The following PLA2G4A variants were observed in gnomAD, a reference collection of about 807,000 sequenced individuals.
PLA2G4A encodes the protein cytosolic phospholipase A2.
PLA2G4A carries 40 observed loss-of-function variants against 81.9 expected under a neutral mutation model. The observed-to-expected ratio is 0.49, with a 90% CI of 0.38 to 0.64. The LOEUF (loss-of-function observed/expected upper bound fraction) is 0.64. Ranked by LOEUF, PLA2G4A falls within the 30% of genes least tolerant of loss-of-function variation. PLA2G4A has a pLI of 0.00. For synonymous variants in PLA2G4A, 302 were observed against 296.9 expected (o/e 1.02, Z -0.18); for missense variants, 715 against 905.1 (o/e 0.79, Z 2.69).
chr1:186,914,843 C>A (rs961992673), intron 7 of PLA2G4A, among the ~76,000 whole-genome samples: 2 of 152,104 alleles, frequency 1.3e-5, no homozygotes, highest in Admixed American at 1.3e-4. Context: ...TATATCCTCC[C>A]CATTTGAGAC....
intron 12 of PLA2G4A, among the ~76,000 whole-genome samples, chr1:186,947,207 T>C (rs1656377825): frequency 6.6e-6 from 1 of 152,088 alleles, no homozygotes; most frequent in African/African-American, 2.4e-5. Flanking sequence ...ATAGAACACA[T>C]CTCTATTCCT....
intron 7 of PLA2G4A, among the ~76,000 whole-genome samples, chr1:186,917,516 C>T (rs1237636554): frequency 6.6e-6 from 1 of 152,190 alleles, no homozygotes; most frequent in Non-Finnish European, 1.5e-5. Flanking sequence ...ATTCGCTCCA[C>T]CTTTCCGGAA....
chr1:186,844,069 T>G (rs1246899705), intron 1 of PLA2G4A, among the ~76,000 whole-genome samples: 1 of 152,206 alleles, frequency 6.6e-6, no homozygotes, highest in Non-Finnish European at 1.5e-5. Context: ...TGGGACTTAG[T>G]GGCAAGTTCC....
At chr1:186,887,806 C>G (rs1315422244) in intron 3 of PLA2G4A, among the ~76,000 whole-genome samples, 1 of 152,136 alleles carries the variant, frequency 6.6e-6, no homozygotes, top group African/African-American at 2.4e-5. Flanking sequence ...GGCTGCCTTC[C>G]TTTTCAAATC....
chr1:186,841,171 C>T (rs1651965948), intron 1 of PLA2G4A, among the ~76,000 whole-genome samples: 1 of 152,112 alleles, frequency 6.6e-6, no homozygotes, highest in Admixed American at 6.5e-5. Context: ...ATTTTTTAAA[C>T]AATCTAATAT....
At chr1:186,878,597 G>C (rs1653607290) in intron 3 of PLA2G4A, among the ~76,000 whole-genome samples, 2 of 151,842 alleles carry the variant, frequency 1.3e-5, no homozygotes, top group South Asian at 4.1e-4. Flanking sequence ...TCTGTGTAGT[G>C]GAGAAATATA....
At chr1:186,967,263 A>G (rs1217347939) in intron 15 of PLA2G4A, among the ~76,000 whole-genome samples, 3 of 152,180 alleles carry the variant, frequency 2.0e-5, no homozygotes, top group African/African-American at 7.2e-5. Flanking sequence ...GGGGTAGTAA[A>G]GGTATTCAGA....
intron 10 of PLA2G4A, among the ~76,000 whole-genome samples, chr1:186,940,687 A>G (rs1243995212): frequency 6.6e-6 from 1 of 152,236 alleles, no homozygotes; most frequent in Non-Finnish European, 1.5e-5. Context: ...AATAATTACA[A>G]GGAACAAAAG....
chr1:186,969,487 A>G (rs1410625034), intron 15 of PLA2G4A, among the ~76,000 whole-genome samples: 1 of 151,836 alleles, frequency 6.6e-6, no homozygotes, highest in Non-Finnish European at 1.5e-5. Context: ...TGTGCTACTG[A>G]ACACTAGATC....
At chr1:186,935,489 G>A (rs1655914342) in intron 8 of PLA2G4A, among the ~76,000 whole-genome samples, 1 of 150,826 alleles carries the variant, frequency 6.6e-6, no homozygotes, top group Admixed American at 6.6e-5. Context: ...AGGCATAGAT[G>A]GAAGATAAAG....
rs1325090013 is a variant in PLA2G4A at position 186,912,854 on chromosome 1, T to A, written c.558+1465T>A. Reference sequence around the variant, plus strand: ...ATAAGTGTATGTATGTATTTGTATATAATATATATATAAGGCATACTTACG... The same window carrying A: ...ATAAGTGTATGTATGTATTTGTATAAAATATATATATAAGGCATACTTACG... On this transcript the variant is annotated intron_variant, in intron 7 of 17. Coordinates refer to ENST00000367466, the MANE Select transcript of PLA2G4A (RefSeq NM_024420.3). Among the ~76,000 whole-genome samples, 4 of 146,654 alleles carry A rather than the reference T, an allele frequency of 2.7e-5. No individual in the cohort carries two copies. The South Asian group carries it at 6.3e-4, about 23-fold the overall frequency.
intron 2 of PLA2G4A, among the ~76,000 whole-genome samples, chr1:186,859,153 T>C (rs1225634435): frequency 6.6e-6 from 1 of 152,088 alleles, no homozygotes; most frequent in African/African-American, 2.4e-5. Flanking sequence ...TGGGCTCATT[T>C]TCACCATTCC....
intron 3 of PLA2G4A, among the ~76,000 whole-genome samples, chr1:186,881,075 C>T (rs185242059): frequency 5.3e-5 from 8 of 152,054 alleles, no homozygotes; most frequent in South Asian, 2.1e-4. Context: ...ATTGCTAGTA[C>T]GAAATGTACC....
chr1:186,847,000 G>A (rs1041200580), intron 1 of PLA2G4A, among the ~76,000 whole-genome samples: 3 of 151,572 alleles, frequency 2.0e-5, no homozygotes, highest in African/African-American at 7.3e-5. Flanking sequence ...AATTATTGTT[G>A]TATACATTAG....
intron 10 of PLA2G4A, among the ~76,000 whole-genome samples, chr1:186,940,493 G>A (rs1010181506): frequency 1.3e-5 from 2 of 152,052 alleles, no homozygotes; most frequent in Non-Finnish European, 2.9e-5. Context: ...TACTCATGGG[G>A]GATTGGTTCC....
intron 6 of PLA2G4A, among the ~76,000 whole-genome samples, chr1:186,909,401 C>T (rs1654860117): frequency 6.6e-6 from 1 of 151,640 alleles, no homozygotes; most frequent in East Asian, 1.9e-4. Context: ...TGGCTCATGC[C>T]TGTAATCCCA....
intron 1 of PLA2G4A, among the ~76,000 whole-genome samples, chr1:186,839,336 G>A (rs1192064163): frequency 2.0e-5 from 3 of 151,996 alleles, no homozygotes; most frequent in East Asian, 1.9e-4. Flanking sequence ...CCTACCTCCC[G>A]GAGACATGTC....
intron 2 of PLA2G4A, among the ~76,000 whole-genome samples, chr1:186,859,929 AATAAG>A (rs1261525627): frequency 6.6e-6 from 1 of 152,158 alleles, no homozygotes; most frequent in East Asian, 1.9e-4. Flanking sequence ...GAAATAATGA[AATAAG>A]ATATTTTTAG....
At chr1:186,852,252 T>C (rs1197019136) in intron 1 of PLA2G4A, among the ~76,000 whole-genome samples, 1 of 151,944 alleles carries the variant, frequency 6.6e-6, no homozygotes, top group South Asian at 2.1e-4. Flanking sequence ...CATAAGTGGA[T>C]GTTAGATGGT....
Sources: gnomAD v4.1 joint callset for allele counts (sites outside exome capture counted in the v4.1 genomes callset) on GRCh38, gnomAD v4.1.1 for gene constraint, MANE v1.5 for transcripts, NCBI Gene and HGNC (gene_info 2026-07-23, HGNC 2026-07-21) for gene names.